SYNDIG1: variants seen among roughly 807,000 people sequenced by gnomAD.
SYNDIG1 encodes synapse differentiation inducing 1, also known as synapse differentiation-inducing gene protein 1.
Under a neutral mutation model 19.4 loss-of-function variants are expected in SYNDIG1, and 9 were observed. The observed-to-expected ratio is 0.46, with a 90% CI of 0.28 to 0.81. SYNDIG1 has a LOEUF of 0.81. Ranked by LOEUF, SYNDIG1 falls within the 30% of genes least tolerant of loss-of-function variation. The pLI is 0.12. For synonymous variants in SYNDIG1, 141 were observed against 145.9 expected, an observed-to-expected ratio of 0.97 and a Z score of 0.24; for missense variants, 311 against 343.3, an observed-to-expected ratio of 0.91 and a Z score of 0.74.
intron 1 of SYNDIG1, among the ~76,000 whole-genome samples, chr20:24,505,329 A>T (rs1045424912): frequency 6.6e-6 from 1 of 152,154 alleles, no homozygotes; most frequent in South Asian, 2.1e-4. Flanking sequence ...CCAGGGTGTC[A>T]TATTTGTCTG....
intron 2 of SYNDIG1, among the ~76,000 whole-genome samples, chr20:24,574,306 C>T (rs577429843): frequency 2.1e-5 from 3 of 142,414 alleles, no homozygotes; most frequent in African/African-American, 8.0e-5. Flanking sequence ...AGTGAAACCC[C>T]GTCTCTATTA....
chr20:24,541,922 AC>A (rs1269605155), intron 1 of SYNDIG1, among the ~76,000 whole-genome samples: 1 of 152,140 alleles, frequency 6.6e-6, no homozygotes, highest in Non-Finnish European at 1.5e-5. Flanking sequence ...CCTCCCATCA[AC>A]CCAGTTTCAT....
At chr20:24,655,775 CAAAA>C (rs11087474) in intron 3 of SYNDIG1, among the ~76,000 whole-genome samples, 3 of 132,550 alleles carry the variant, frequency 2.3e-5, no homozygotes, top group South Asian at 2.4e-4. Context: ...GTATACTCAT[CAAAA>C]AAAAAAAAAA....
Position 24,543,179 on chromosome 20 carries a change from A to G in SYNDIG1, c.82A>G (p.Thr28Ala). ...DAGKRNGLIN[T>A]RNLMAESRDG... ...TGGCAAGAGGAATGGTTTAATTAAC[A>G]CCAGAAACTTGATGGCCGAGAGCAG... Residue 28 changes from threonine (T) to alanine (A), a missense_variant, in exon 2 of 4, where the codon ACC (threonine) becomes GCC (alanine). Thr to Ala is a moderately conservative substitution (Grantham distance 58). Transcript: ENST00000376862. 6.2e-7 allele frequency: 1 copy of G among 1,614,088 alleles called. No individual in the cohort carries two copies. Among genetic ancestry groups the G allele is most frequent in the Non-Finnish European group, 8.5e-7 (1 of 1,180,024 alleles).
At chr20:24,485,919 A>AC (rs1044617857) in intron 1 of SYNDIG1, among the ~76,000 whole-genome samples, 49 of 151,928 alleles carry the variant, frequency 3.2e-4, no homozygotes, top group African/African-American at 8.2e-4. Flanking sequence ...GTGGACAGAG[A>AC]CCCCCCCAGG....
At chr20:24,606,712 G>A (rs1480303111) in intron 3 of SYNDIG1, among the ~76,000 whole-genome samples, 4 of 152,194 alleles carry the variant, frequency 2.6e-5, no homozygotes, top group Admixed American at 2.6e-4. Context: ...GCAGAGCGCA[G>A]CACAAGTGCC....
chr20:24,485,287 C>T (rs1181245939), intron 1 of SYNDIG1, among the ~76,000 whole-genome samples: 2 of 152,172 alleles, frequency 1.3e-5, no homozygotes, highest in African/African-American at 4.8e-5. Context: ...TCATATTGTT[C>T]TTTAAAAGTA....
intron 3 of SYNDIG1, among the ~76,000 whole-genome samples, chr20:24,596,668 C>T (rs142688011): frequency 9.2e-5 from 14 of 152,312 alleles, no homozygotes; most frequent in Middle Eastern, 3.4e-3. Context: ...CATGAGCCAC[C>T]GGGCCTGGCC....
At chr20:24,499,713 C>T (rs984152850) in intron 1 of SYNDIG1, among the ~76,000 whole-genome samples, 12 of 152,256 alleles carry the variant, frequency 7.9e-5, no homozygotes, top group African/African-American at 2.4e-4. Flanking sequence ...ATGCCCTGCC[C>T]GGGTAGAGGC....
At chr20:24,606,460 G>T (rs1461271218) in intron 3 of SYNDIG1, among the ~76,000 whole-genome samples, 1 of 152,180 alleles carries the variant, frequency 6.6e-6, no homozygotes, top group African/African-American at 2.4e-5. Context: ...CTTAGGTTCT[G>T]TTGACCTCAT....
At chr20:24,620,161 C>T (rs935932635) in intron 3 of SYNDIG1, among the ~76,000 whole-genome samples, 17 of 152,216 alleles carry the variant, frequency 1.1e-4, no homozygotes, top group Admixed American at 7.9e-4. Context: ...TCCCTGTTTT[C>T]TGATAAACCT....
At chr20:24,656,525 C>G (rs2059527516) in intron 3 of SYNDIG1, among the ~76,000 whole-genome samples, 1 of 152,216 alleles carries the variant, frequency 6.6e-6, no homozygotes, top group African/African-American at 2.4e-5. Flanking sequence ...CTGGGGTGGA[C>G]CCAGCTACTC....
chr20:24,506,397 T>G (rs1362011623), intron 1 of SYNDIG1, among the ~76,000 whole-genome samples: 4 of 152,204 alleles, frequency 2.6e-5, no homozygotes, highest in Non-Finnish European at 5.9e-5. Flanking sequence ...ACTCCAGGTT[T>G]AGGAGACAGA....
chr20:24,513,735 G>A lies in SYNDIG1; in HGVS notation c.-78-29285G>A, dbSNP rs184027898. ...TATCCAGGATAACTTCCCCAACCTA[G>A]CAAGGCAGGCCAACATTGAAATTCA... On this transcript the variant is annotated intron_variant, in intron 1 of 3. Transcript: ENST00000376862. Among the ~76,000 whole-genome samples the A allele has an allele frequency of 2.6e-5, 4 of 152,264 alleles. No homozygotes were observed. The East Asian group carries it at 7.7e-4, about 29-fold the overall frequency.
At chr20:24,595,766 G>A (rs1039427107) in intron 3 of SYNDIG1, among the ~76,000 whole-genome samples, 1 of 152,164 alleles carries the variant, frequency 6.6e-6, no homozygotes, top group Non-Finnish European at 1.5e-5. Flanking sequence ...AGGTGTTATA[G>A]ATGGTGTGCA....
intron 1 of SYNDIG1, among the ~76,000 whole-genome samples, chr20:24,525,913 T>A (rs527237775): frequency 1.3e-5 from 2 of 152,348 alleles, no homozygotes; most frequent in Non-Finnish European, 2.9e-5. Flanking sequence ...ATGGATTATG[T>A]ACATGGAATT....
intron 1 of SYNDIG1, among the ~76,000 whole-genome samples, chr20:24,521,916 T>A (rs35101101): frequency 0.26 from 36,124 of 141,154 alleles, 5,467 homozygotes; most frequent in Middle Eastern, 0.39. Context: ...AAAAAAAAAA[T>A]TAAGTAATAC....
intron 2 of SYNDIG1, among the ~76,000 whole-genome samples, chr20:24,555,183 A>AAT (rs774589862): frequency 6.6e-6 from 1 of 151,052 alleles, no homozygotes; most frequent in Non-Finnish European, 1.5e-5. Flanking sequence ...CATCTATTTG[A>AAT]TTCTTCTCTC....
At chr20:24,653,838 G>A (rs930777629) in intron 3 of SYNDIG1, among the ~76,000 whole-genome samples, 7 of 152,204 alleles carry the variant, frequency 4.6e-5, no homozygotes, top group African/African-American at 1.7e-4. Context: ...CGACTTCACG[G>A]GGTCATCCCT....
Sources: allele counts gnomAD v4.1 joint callset (sites outside exome capture counted in the v4.1 genomes callset), GRCh38; gene constraint gnomAD v4.1.1; transcripts MANE v1.5; gene names NCBI Gene and HGNC (gene_info 2026-07-23, HGNC 2026-07-21).